Variants in BCAS3 observed in about 807,000 individuals in gnomAD.
BCAS3 encodes the protein BCAS3 microtubule associated cell migration factor, also known as BCAS4/BCAS3 fusion.
BCAS3 carries 53 observed loss-of-function variants against 116.1 expected under a neutral mutation model. That is an observed-to-expected ratio of 0.46 (90% CI 0.37 to 0.57). The LOEUF is 0.57. Ranked by LOEUF, BCAS3 falls within the 20% of genes least tolerant of loss-of-function variation. The pLI is 0.00. For synonymous variants in BCAS3, 391 were observed against 408.2 expected, an observed-to-expected ratio of 0.96 and a Z score of 0.51; for missense variants, 917 against 1,165.4, an observed-to-expected ratio of 0.79 and a Z score of 3.10.
At position 61,352,969 on chromosome 17, in the gene BCAS3, A is replaced by G. The variant is rs956260233; in HGVS notation, c.2426-15358A>G. On this transcript the variant is annotated intron_variant, in intron 22 of 23. Transcript: ENST00000407086. The surrounding 1 kb of genome is among the most constrained non-coding windows in gnomAD (Gnocchi z 4.7). ...TGGAACTCATGTTAATGCCTAACAC[A>G]AGGCTGGGACTGCAGGGAGAGGCCA... Among the ~76,000 whole-genome samples, 2 of 152,208 alleles carry G rather than the reference A, an allele frequency of 1.3e-5. No homozygotes were observed. Among genetic ancestry groups the G allele is most frequent in the Admixed American group, 6.5e-5 (1 of 15,290 alleles).
At chr17:60,814,306 T>TGTGCGCACGCGCGTGTGCGC (rs368289350) in intron 7 of BCAS3, among the ~76,000 whole-genome samples, 1 of 148,198 alleles carries the variant, frequency 6.7e-6, no homozygotes, top group African/African-American at 2.5e-5. Flanking sequence ...TGTGTGTGTG[T>TGTGCGCACGCGCGTGTGCGC]GCGCGCGTGC....
intron 19 of BCAS3, among the ~76,000 whole-genome samples, chr17:61,066,422 G>A (rs887131467): frequency 6.6e-5 from 10 of 152,160 alleles, no homozygotes; most frequent in East Asian, 1.9e-4. Context: ...TTTTACATGC[G>A]TTGGCAGTTG....
At position 61,309,121 on chromosome 17, in the gene BCAS3, T is replaced by C. The variant is rs985789; in HGVS notation, c.2426-59206T>C. On this transcript the variant is annotated intron_variant, in intron 22 of 23. Transcript: ENST00000407086. This position sits in a 1 kb window ranked among gnomAD's most constrained non-coding sequence, Gnocchi z 4.6. ...CTGAAACAAGGGTTAGTTCCCTACC[T>C]CCATGCCCGTCAAGGAGTAATACTT... Among the ~76,000 whole-genome samples, 55,512 of 152,024 alleles carry C rather than the reference T, an allele frequency of 0.37. 15,647 individuals carry two copies. Among genetic ancestry groups the C allele is most frequent in the African/African-American group, 0.79 (32,792 of 41,450 alleles).
intron 13 of BCAS3, among the ~76,000 whole-genome samples, chr17:60,938,136 C>T (rs1411932703): frequency 4.2e-4 from 64 of 152,230 alleles, no homozygotes; most frequent in South Asian, 2.1e-4. Context: ...CCTCGTGATC[C>T]GCCAGCCTTG....
intron 13 of BCAS3, among the ~76,000 whole-genome samples, chr17:60,925,849 A>AT (rs111334653): frequency 5.3e-4 from 79 of 147,736 alleles, no homozygotes; most frequent in East Asian, 1.8e-3. Flanking sequence ...CTGATTTTAG[A>AT]TTTTTTTTTT....
At chr17:60,903,604 C>T (rs116313771) in intron 11 of BCAS3, among the ~76,000 whole-genome samples, 1,565 of 152,258 alleles carry the variant, frequency 0.01, 34 homozygotes, top group African/African-American at 0.036. Context: ...CATGCCGCCA[C>T]GCCTGGTTTG....
rs1313246304 is a variant in BCAS3, at chr17:61,226,508, C to T, written c.2426-141819C>T. Among the ~76,000 whole-genome samples, 1 of 152,120 alleles carries T rather than the reference C, an allele frequency of 6.6e-6. No individual in the cohort carries two copies. The highest frequency in any genetic ancestry group is 2.4e-5 in the African/African-American group (1 of 41,424). On this transcript the variant is annotated intron_variant, in intron 22 of 23. Coordinates refer to ENST00000407086, the MANE Select transcript of BCAS3 (RefSeq NM_017679.5). The surrounding 1 kb of genome is among the most constrained non-coding windows in gnomAD (Gnocchi z 6.0). ...CTTTGCTGTAGGACAGGGCCTAGCC[C>T]ATAATAGGCATGCAGTTCTTATTGG...
At position 61,339,534 on chromosome 17, in the gene BCAS3, G is replaced by C. The variant is rs1467238271; in HGVS notation, c.2426-28793G>C. On this transcript the variant is annotated intron_variant, in intron 22 of 23. Coordinates refer to ENST00000407086, the MANE Select transcript of BCAS3 (RefSeq NM_017679.5). The surrounding 1 kb of genome is among the most constrained non-coding windows in gnomAD (Gnocchi z 4.4). ...GTAATCCCAGCAGTTGGGAGGCCAA[G>C]GTGAGCAGATCACCTGAGGTCAGGA... Among the ~76,000 whole-genome samples, 2 of 152,176 alleles carry C rather than the reference G, an allele frequency of 1.3e-5. No homozygotes were observed. Among genetic ancestry groups the C allele is most frequent in the Non-Finnish European group, 2.9e-5 (2 of 68,044 alleles).
At chr17:61,159,469 T>G (rs1352331187) in intron 22 of BCAS3, 1 of 152,220 alleles carries the variant, frequency 6.6e-6, no homozygotes, top group Non-Finnish European at 1.5e-5. Flanking sequence ...TGACCCAAGA[T>G]GTATGGATTT....
At chr17:61,370,623 G>T (rs7217891) in intron 23 of BCAS3, among the ~76,000 whole-genome samples, 3 of 152,068 alleles carry the variant, frequency 2.0e-5, no homozygotes, top group Admixed American at 2.0e-4. Context: ...TCCTGACCTC[G>T]TGATCCGCCT....
intron 5 of BCAS3, among the ~76,000 whole-genome samples, chr17:60,713,152 G>A (rs1350293609): frequency 1.3e-5 from 2 of 152,190 alleles, no homozygotes; most frequent in African/African-American, 4.8e-5. Flanking sequence ...GAGAACACCA[G>A]AAAGTCCTTG....
At chr17:60,972,647 T>C (rs1387875157) in intron 14 of BCAS3, among the ~76,000 whole-genome samples, 2 of 151,942 alleles carry the variant, frequency 1.3e-5, no homozygotes, top group Non-Finnish European at 2.9e-5. Flanking sequence ...AGAGAGGCTG[T>C]TGCTATGTTG....
At position 60,947,363 on chromosome 17, in the gene BCAS3, T is replaced by C. The variant is rs778401329; in HGVS notation, c.1221+11T>C. Reference sequence around the variant, plus strand: ...GAAACTGAAGCCAAAGTAAGCTGTATAATTTTTCAGAAGGCGATTTCTTGG... The same window carrying C: ...GAAACTGAAGCCAAAGTAAGCTGTACAATTTTTCAGAAGGCGATTTCTTGG... On this transcript the variant is annotated intron_variant, in intron 14 of 23. Coordinates refer to ENST00000407086, the MANE Select transcript of BCAS3 (RefSeq NM_017679.5). 12 of 1,611,004 alleles carry C rather than the reference T, an allele frequency of 7.4e-6. No homozygotes were observed. The South Asian group carries it at 1.3e-4, about 18-fold the overall frequency.
chr17:61,117,178 G>A (rs2075522249), intron 22 of BCAS3, among the ~76,000 whole-genome samples: 1 of 152,192 alleles, frequency 6.6e-6, no homozygotes, highest in Non-Finnish European at 1.5e-5. Flanking sequence ...CTGTTATTCA[G>A]ACTGGGTAAT....
rs1479360519 is a variant in BCAS3, at chr17:61,199,660, G to T, written c.2425+115096G>T. Among the ~76,000 whole-genome samples, 1 of 152,110 alleles carries T rather than the reference G, an allele frequency of 6.6e-6. No homozygotes were observed. The highest frequency in any genetic ancestry group is 2.1e-4 in the South Asian group (1 of 4,818). ...TTAACTTTGAACAGTGAACACAAAG[G>T]GTAATGAATTACTAATACCATAGTT... On this transcript the variant is annotated intron_variant, in intron 22 of 23. Transcript: ENST00000407086. The surrounding 1 kb of genome is among the most constrained non-coding windows in gnomAD (Gnocchi z 4.6).
Position 61,034,666 on chromosome 17 carries a change from C to T in BCAS3, c.1638C>T (p.Gly546=). The T allele has an allele frequency of 6.3e-7, 1 of 1,596,910 alleles. No individual in the cohort carries two copies. The highest frequency in any genetic ancestry group is 1.1e-5 in the South Asian group (1 of 87,936). ...TTTTACTCTTATTTTATTTTTTAAG[C>T]AAAGTTAAACCTCCTCCACAAATTT... The part of the protein sequence containing the change: ...MTLGTITKRT[G]KVKPPPQISP... Residue 546 remains glycine, a splice_region_variant and synonymous_variant, in exon 17 of 24, where the codon GGC becomes GGT. Transcript: ENST00000407086. This position sits in a 1 kb window ranked among gnomAD's most constrained non-coding sequence, Gnocchi z 5.0.
chr17:61,368,241 T>G lies in BCAS3; in HGVS notation c.2426-86T>G. 4 of 1,404,964 alleles carry G rather than the reference T, an allele frequency of 2.8e-6. No homozygotes were observed. The highest frequency in any genetic ancestry group is 2.9e-6 in the Non-Finnish European group (3 of 1,032,238). 87.0% of individuals were successfully genotyped at this position (1,404,964 alleles called of 1,614,324 possible). ...GGAAGGCTACAATGGACCCTGGGTA[T>G]GGAGAGGAGCGGGTGGGAGGTAGAC... On this transcript the variant is annotated intron_variant, in intron 22 of 23. Transcript: ENST00000407086. The surrounding 1 kb of genome is among the most constrained non-coding windows in gnomAD (Gnocchi z 6.0).
intron 4 of BCAS3, among the ~76,000 whole-genome samples, chr17:60,691,081 C>T (rs942506541): frequency 6.6e-6 from 1 of 151,786 alleles, no homozygotes; most frequent in Admixed American, 6.6e-5. Context: ...TACAGGTGCT[C>T]GCCATCACGC....
rs959545152 is a variant in BCAS3, at chr17:61,034,704, C to T, written c.1676C>T (p.Ser559Leu). 8.1e-6 allele frequency: 13 copies of T among 1,611,170 alleles called. 1 individual carries two copies. The Middle Eastern group carries it at 5.0e-4, about 61-fold the overall frequency. ...KPPPQISPSK[S>L]MGGEFCVAAI... ...CCTCCACAAATTTCACCCAGCAAAT[C>T]GATGGGCGGAGAATTTTGTGTGGCT... Residue 559 changes from serine to leucine, a missense_variant, in exon 17 of 24, where the codon TCG becomes TTG. This residue lies in a region of BCAS3 where 807 missense variants were observed against 1,026.0 expected (regional missense o/e 0.79). Coordinates refer to ENST00000407086, the MANE Select transcript of BCAS3 (RefSeq NM_017679.5). This position sits in a 1 kb window ranked among gnomAD's most constrained non-coding sequence, Gnocchi z 5.0.
Sources: allele counts gnomAD v4.1 joint callset (sites outside exome capture counted in the v4.1 genomes callset), GRCh38; gene constraint gnomAD v4.1.1; regional missense constraint gnomAD v4.1.1; non-coding constraint Gnocchi (gnomAD v3.1); transcripts MANE v1.5; gene names NCBI Gene and HGNC (gene_info 2026-07-23, HGNC 2026-07-21).